DPP6: variants seen among roughly 807,000 people sequenced by gnomAD.
DPP6 encodes the protein dipeptidyl peptidase like 6.
Under a neutral mutation model 122.6 loss-of-function variants are expected in DPP6, and 69 were observed. That is an observed-to-expected ratio of 0.56 (90% CI 0.46 to 0.69). DPP6 has a LOEUF of 0.69. DPP6 is among the 30% of genes least tolerant of loss of function. The pLI, the probability that DPP6 is intolerant of heterozygous loss-of-function variation, is 0.00. For synonymous variants in DPP6, 418 were observed against 433.1 expected (o/e 0.97, Z 0.43); for missense variants, 928 against 1,116.9 (o/e 0.83, Z 2.41).
chr7:153,922,090 G>C (rs1173964676), intron 1 of DPP6, among the ~76,000 whole-genome samples: 1 of 152,238 alleles, frequency 6.6e-6, no homozygotes, highest in Non-Finnish European at 1.5e-5. Context: ...TGGGAGTCTA[G>C]AGGTAAGGAC....
chr7:154,672,938 C>T (rs1387650672), intron 7 of DPP6, among the ~76,000 whole-genome samples: 2 of 152,142 alleles, frequency 1.3e-5, no homozygotes, highest in Admixed American at 1.3e-4. Context: ...AGCTATACTT[C>T]CCAACACAGG....
At chr7:154,577,952 C>A (rs938085422) in intron 5 of DPP6, among the ~76,000 whole-genome samples, 1 of 152,198 alleles carries the variant, frequency 6.6e-6, no homozygotes, top group Non-Finnish European at 1.5e-5. Context: ...TAAACTACGA[C>A]AAACTGTACA....
chr7:154,804,875 C>T (rs981349340), intron 14 of DPP6, 42 bp from the exon 15 acceptor site: 12 of 1,581,248 alleles, frequency 7.6e-6, no homozygotes, highest in Non-Finnish European at 8.6e-6. Context: ...GCAGACGTGC[C>T]TTGGAGCAAA....
At chr7:154,022,648 GTGTA>G (rs1798760650) in intron 1 of DPP6, among the ~76,000 whole-genome samples, 1 of 152,204 alleles carries the variant, frequency 6.6e-6, no homozygotes, top group African/African-American at 2.4e-5. Flanking sequence ...GTTGTCTTGT[GTGTA>G]TGTGTGGAGT....
chr7:154,396,753 G>A (rs1815121468), intron 1 of DPP6, among the ~76,000 whole-genome samples: 1 of 152,214 alleles, frequency 6.6e-6, no homozygotes, highest in African/African-American at 2.4e-5. Context: ...AGACTAGCCT[G>A]GCCAACATGC....
At chr7:153,809,670 A>T in the DPP6 span, among the ~76,000 whole-genome samples, 1 of 151,858 alleles carries the variant, frequency 6.6e-6, no homozygotes, top group African/African-American at 2.4e-5. Context: ...AAATATAATG[A>T]CTTGCTGGTA....
chr7:154,795,530 C>T (rs1009719137), intron 11 of DPP6, among the ~76,000 whole-genome samples: 2 of 152,126 alleles, frequency 1.3e-5, no homozygotes, highest in South Asian at 4.1e-4. Context: ...CAGTGATGAC[C>T]GCCCCCTGGT....
At chr7:154,173,399 AG>A (rs1797634822) in intron 1 of DPP6, among the ~76,000 whole-genome samples, 1 of 152,190 alleles carries the variant, frequency 6.6e-6, no homozygotes, top group Non-Finnish European at 1.5e-5. Flanking sequence ...CTCCTCCCTC[AG>A]GGGCAGCTGG....
At chr7:154,612,503 C>T (rs974227728) in intron 5 of DPP6, among the ~76,000 whole-genome samples, 1 of 152,148 alleles carries the variant, frequency 6.6e-6, no homozygotes, top group Non-Finnish European at 1.5e-5. Context: ...CTTTTTATTG[C>T]GGAGTAATAT....
chr7:154,599,424 G>A (rs939168141), intron 5 of DPP6, among the ~76,000 whole-genome samples: 3 of 152,044 alleles, frequency 2.0e-5, no homozygotes, highest in Non-Finnish European at 4.4e-5. Flanking sequence ...GTGACGAGGT[G>A]AATATTTGTG....
At chr7:154,322,757 C>T (rs547981202) in intron 1 of DPP6, among the ~76,000 whole-genome samples, 1 of 152,298 alleles carries the variant, frequency 6.6e-6, no homozygotes, top group African/African-American at 2.4e-5. Context: ...AGTGTCATAT[C>T]CTGAGAGGGG....
chr7:154,107,169 G>C (rs1425040046), intron 1 of DPP6, among the ~76,000 whole-genome samples: 7 of 152,146 alleles, frequency 4.6e-5, no homozygotes, highest in Non-Finnish European at 1.0e-4. Flanking sequence ...GGATGGCCAG[G>C]ATATGGAAAC....
At chr7:154,283,466 TATC>T (rs1016134273) in intron 1 of DPP6, among the ~76,000 whole-genome samples, 5 of 151,804 alleles carry the variant, frequency 3.3e-5, no homozygotes, top group South Asian at 2.1e-4. Flanking sequence ...TCATAGTCAT[TATC>T]ATCATCATCA....
chr7:154,247,764 C>G (rs1211484819), intron 1 of DPP6, among the ~76,000 whole-genome samples: 1 of 152,110 alleles, frequency 6.6e-6, no homozygotes, highest in Non-Finnish European at 1.5e-5. Flanking sequence ...ATTTACCCAA[C>G]AGCAATGAAA....
intron 4 of DPP6, among the ~76,000 whole-genome samples, chr7:154,559,161 C>A (rs1830241165): frequency 6.8e-6 from 1 of 146,108 alleles, no homozygotes. Context: ...TAAGGAAAAC[C>A]ATGAACATGA....
At chr7:153,819,077 C>CTTTTTTTTTT in the DPP6 span, among the ~76,000 whole-genome samples, 6 of 99,864 alleles carry the variant, frequency 6.0e-5, no homozygotes, top group Non-Finnish European at 7.2e-5. Flanking sequence ...CTTTTCTTTT[C>CTTTTTTTTTT]TTTTTTTTTT....
At chr7:154,435,556 T>C (rs989697321) in intron 1 of DPP6, among the ~76,000 whole-genome samples, 1 of 152,216 alleles carries the variant, frequency 6.6e-6, no homozygotes, top group Non-Finnish European at 1.5e-5. Flanking sequence ...ACTGAGTAAA[T>C]GAGCCAGTGA....
At chr7:153,868,060 T>A in the DPP6 span, among the ~76,000 whole-genome samples, 10 of 152,198 alleles carry the variant, frequency 6.6e-5, no homozygotes, top group African/African-American at 2.4e-4. Flanking sequence ...TGCCAGTATT[T>A]TATTGAGGAT....
At chr7:154,014,299 A>T (rs1798295013) in intron 1 of DPP6, among the ~76,000 whole-genome samples, 1 of 143,068 alleles carries the variant, frequency 7.0e-6, no homozygotes, top group Non-Finnish European at 1.5e-5. Flanking sequence ...TTTCAAATTT[A>T]TACTAGCATA....
Sources: gnomAD v4.1 joint callset for allele counts (sites outside exome capture counted in the v4.1 genomes callset) on GRCh38, gnomAD v4.1.1 for gene constraint, MANE v1.5 for transcripts, NCBI Gene and HGNC (gene_info 2026-07-23, HGNC 2026-07-21) for gene names.